ADAMTSL3: variants seen among roughly 807,000 people sequenced by gnomAD.
ADAMTSL3 encodes ADAMTS like 3.
Under a neutral mutation model 201.7 loss-of-function variants are expected in ADAMTSL3, and 128 were observed. That is an observed-to-expected ratio of 0.63 (90% CI 0.55 to 0.73). ADAMTSL3 has a LOEUF of 0.73. ADAMTSL3 is among the 30% of genes least tolerant of loss of function. ADAMTSL3 has a pLI of 0.00. For missense variants in ADAMTSL3, 1,990 were observed against 2,119.6 expected, an observed-to-expected ratio of 0.94 and a Z score of 1.20; for synonymous variants, 738 against 748.4, an observed-to-expected ratio of 0.99 and a Z score of 0.23.
rs2064798118 is a variant in ADAMTSL3, at chr15:83,858,907, A to C, written c.802+67A>C. 6 of 1,396,486 alleles carry C rather than the reference A, an allele frequency of 4.3e-6. No homozygotes were observed. The Admixed American group carries it at 1.1e-4, about 25-fold the overall frequency. 86.5% of individuals were successfully genotyped at this position (1,396,486 alleles called of 1,614,324 possible). A position where few individuals can be genotyped will look rare whatever the true frequency, so the allele number is the denominator to read the frequency against. On this transcript the variant is annotated intron_variant, in intron 8 of 29. Coordinates refer to ENST00000286744, the MANE Select transcript of ADAMTSL3 (RefSeq NM_207517.3). The stretch of plus-strand genomic sequence containing the variant: ...GTTTAGTTAGCCAAAAAAAACAAAA[A>C]ACAAAAAACCCACAAACCAAACCAA...
chr15:83,840,259 T>TG (rs765167097), intron 7 of ADAMTSL3, among the ~76,000 whole-genome samples: 3 of 151,928 alleles, frequency 2.0e-5, no homozygotes, highest in Non-Finnish European at 4.4e-5. Flanking sequence ...AAAAATGAGA[T>TG]GGGGGTGGCC....
intron 17 of ADAMTSL3, among the ~76,000 whole-genome samples, chr15:83,927,160 A>G (rs2066263284): frequency 6.7e-6 from 1 of 149,534 alleles, no homozygotes; most frequent in African/African-American, 2.5e-5. Context: ...TCTGTTGCCC[A>G]GGCTGGAGTG....
At chr15:83,820,253 T>C (rs2063840662) in intron 6 of ADAMTSL3, among the ~76,000 whole-genome samples, 1 of 152,184 alleles carries the variant, frequency 6.6e-6, no homozygotes, top group Non-Finnish European at 1.5e-5. Flanking sequence ...CAATTTTGTA[T>C]TTTTAGTATA....
chr15:83,967,863 C>T (rs910459136), intron 19 of ADAMTSL3, among the ~76,000 whole-genome samples: 3 of 152,156 alleles, frequency 2.0e-5, no homozygotes, highest in African/African-American at 7.2e-5. Flanking sequence ...GAACAGAGGC[C>T]TCAGAAATCA....
At chr15:83,977,111 G>A (rs1056213104) in intron 20 of ADAMTSL3, among the ~76,000 whole-genome samples, 10 of 152,158 alleles carry the variant, frequency 6.6e-5, no homozygotes, top group African/African-American at 9.7e-5. Context: ...TGTCAGATCA[G>A]CAGCGGCATT....
chr15:83,870,734 TAAAATGTCTTTTGTAATAAA>T (rs759813359), intron 8 of ADAMTSL3, 48 bp from the exon 9 acceptor site: 128 of 1,348,764 alleles, frequency 9.5e-5, no homozygotes, highest in Non-Finnish European at 8.1e-5. Context: ...TTGTATTTGC[TAAAATGTCTTTTGTAATAAA>T]ATACCTTTAA....
intron 4 of ADAMTSL3, among the ~76,000 whole-genome samples, chr15:83,779,231 C>G (rs559485451): frequency 1.3e-5 from 2 of 152,094 alleles, no homozygotes; most frequent in African/African-American, 2.4e-5. Context: ...CAAAGATATT[C>G]AGGACCTGAA....
intron 20 of ADAMTSL3, among the ~76,000 whole-genome samples, chr15:83,980,545 A>G (rs893876913): frequency 3.3e-5 from 5 of 152,134 alleles, no homozygotes; most frequent in Non-Finnish European, 7.3e-5. Context: ...CATTTGACAT[A>G]CTTTGTAGAT....
chr15:83,823,932 T>TTCC lies in ADAMTSL3; in HGVS notation c.600+3887_600+3888insCTC, dbSNP rs1567169592. Among the ~76,000 whole-genome samples the TTCC allele has an allele frequency of 1.9e-4, 22 of 115,654 alleles. 1 individual carries two copies. Among genetic ancestry groups the TTCC allele is most frequent in the African/African-American group, 6.2e-4 (19 of 30,592 alleles). 75.9% of individuals were successfully genotyped at this position (115,654 alleles called of 152,430 possible). On this transcript the variant is annotated intron_variant, in intron 6 of 29. Transcript: ENST00000286744. ...CTTCTTCTTCTTCTTCTTCTTCTTC[T>TTCC]TCTTCTTCTTCTTCTTCTTCTTCTT... is the stretch of plus-strand genomic sequence containing the variant.
chr15:83,692,828 C>T (rs962275845), intron 2 of ADAMTSL3, among the ~76,000 whole-genome samples: 2 of 151,790 alleles, frequency 1.3e-5, no homozygotes, highest in South Asian at 2.1e-4. Context: ...TGAATATAAA[C>T]GTTTTTCGGA....
rs1033284308 is a variant in ADAMTSL3, at chr15:83,934,701, AT to A, written c.2118-7893del. On this transcript the variant is annotated intron_variant, in intron 17 of 29. Transcript: ENST00000286744. ...TCAAGGGAGAGACCAGGTGGAGATA[AT>A]TGAATGCAGTAATGAAAATTAAACT... Among the ~76,000 whole-genome samples the A allele has an allele frequency of 7.0e-4, 106 of 152,346 alleles. 1 individual carries two copies. The highest frequency in any genetic ancestry group is 2.2e-3 in the African/African-American group (90 of 41,584).
chr15:83,980,485 T>C (rs1215464731), intron 20 of ADAMTSL3, among the ~76,000 whole-genome samples: 1 of 152,222 alleles, frequency 6.6e-6, no homozygotes, highest in African/African-American at 2.4e-5. Flanking sequence ...AAGTTCAAAA[T>C]TGTATTCTAG....
chr15:83,988,224 A>C (rs936438282), intron 21 of ADAMTSL3, among the ~76,000 whole-genome samples: 1 of 152,230 alleles, frequency 6.6e-6, no homozygotes, highest in Non-Finnish European at 1.5e-5. Context: ...TAATGAGACC[A>C]TAATCCATTG....
chr15:83,777,190 C>T (rs1011684497), intron 4 of ADAMTSL3, among the ~76,000 whole-genome samples: 2 of 152,236 alleles, frequency 1.3e-5, no homozygotes, highest in African/African-American at 4.8e-5. Flanking sequence ...CTCCTGCCCA[C>T]CCCTAGCTGC....
At chr15:83,674,766 C>T (rs12899476) in intron 2 of ADAMTSL3, among the ~76,000 whole-genome samples, 783 of 68,552 alleles carry the variant, frequency 0.011, 27 homozygotes, top group South Asian at 0.015. Context: ...CACATATATA[C>T]ATATATATAT....
intron 2 of ADAMTSL3, among the ~76,000 whole-genome samples, chr15:83,671,970 T>A (rs1209338556): frequency 6.6e-6 from 1 of 152,228 alleles, no homozygotes; most frequent in East Asian, 1.9e-4. Flanking sequence ...CAATAAAGGA[T>A]ATTTAACGCC....
intron 7 of ADAMTSL3, among the ~76,000 whole-genome samples, chr15:83,848,590 T>G (rs1280966461): frequency 6.6e-6 from 1 of 152,120 alleles, no homozygotes; most frequent in Non-Finnish European, 1.5e-5. Flanking sequence ...GTGTGATGAG[T>G]GAATTTGAGT....
intron 5 of ADAMTSL3, among the ~76,000 whole-genome samples, chr15:83,817,131 A>G (rs1235335660): frequency 2.6e-5 from 4 of 152,242 alleles, no homozygotes; most frequent in Admixed American, 6.5e-5. Context: ...AAATAATACA[A>G]CTAATCTCAG....
chr15:83,715,893 G>A (rs1205911255), intron 3 of ADAMTSL3, among the ~76,000 whole-genome samples: 1 of 152,182 alleles, frequency 6.6e-6, no homozygotes, highest in East Asian at 1.9e-4. Context: ...TTTATTGAAT[G>A]TCTGTGTTTT....
Sources: allele counts gnomAD v4.1 joint callset (sites outside exome capture counted in the v4.1 genomes callset), GRCh38; gene constraint gnomAD v4.1.1; transcripts MANE v1.5; gene names NCBI Gene and HGNC (gene_info 2026-07-23, HGNC 2026-07-21).